The following SDK1 variants were observed in gnomAD, a reference collection of about 807,000 sequenced individuals.
SDK1 encodes protein sidekick-1.
A neutral mutation model predicts 245.5 loss-of-function variants in SDK1; 157 were observed. The observed-to-expected ratio is 0.64, with a 90% CI of 0.56 to 0.73. The LOEUF (loss-of-function observed/expected upper bound fraction) is 0.73, where lower values mean the gene tolerates loss of function less well. Ranked by LOEUF, SDK1 falls within the 30% of genes least tolerant of loss-of-function variation. The pLI is 0.00. For missense variants in SDK1, 3,583 were observed against 3,002.3 expected, an observed-to-expected ratio of 1.19 and a Z score of -4.52; for synonymous variants, 1,647 against 1,278.5, an observed-to-expected ratio of 1.29 and a Z score of -6.15.
intron 1 of SDK1, among the ~76,000 whole-genome samples, chr7:3,302,685 G>T (rs1432100690): frequency 6.8e-6 from 1 of 147,832 alleles, no homozygotes; most frequent in East Asian, 2.0e-4. Context: ...GAAGTTTGCT[G>T]GTCTTTAAAC....
At chr7:4,232,407 C>CTTTTTTTTTTTTTTTTTTTTTTT (rs201396862) in intron 40 of SDK1, among the ~76,000 whole-genome samples, 46 of 73,156 alleles carry the variant, frequency 6.3e-4, no homozygotes, top group Non-Finnish European at 7.8e-4. Context: ...CTTTTCTTTT[C>CTTTTTTTTTTTTTTTTTTTTTTT]TTTCTTTTTT....
intron 32 of SDK1, among the ~76,000 whole-genome samples, chr7:4,170,001 A>T (rs1447067827): frequency 1.3e-5 from 2 of 152,214 alleles, no homozygotes; most frequent in African/African-American, 4.8e-5. Context: ...TCTGAAATCC[A>T]GATGGCCTGC....
At chr7:3,570,334 G>GT (rs1248952609) in intron 1 of SDK1, among the ~76,000 whole-genome samples, 1 of 152,108 alleles carries the variant, frequency 6.6e-6, no homozygotes, top group African/African-American at 2.4e-5. Flanking sequence ...TCACAGTAGG[G>GT]TTTATGCCCC....
chr7:3,499,717 C>T (rs551181257), intron 1 of SDK1, among the ~76,000 whole-genome samples: 1 of 152,172 alleles, frequency 6.6e-6, no homozygotes, highest in African/African-American at 2.4e-5. Context: ...GGAGCTGAGT[C>T]TGGGTCATAG....
chr7:4,254,257 C>T (rs1176029852), intron 44 of SDK1, among the ~76,000 whole-genome samples: 3 of 151,696 alleles, frequency 2.0e-5, no homozygotes, highest in African/African-American at 7.3e-5. Context: ...TCTTATTATA[C>T]GTATGTTGGT....
chr7:3,666,161 C>A (rs1336461770), intron 4 of SDK1, among the ~76,000 whole-genome samples: 2 of 152,172 alleles, frequency 1.3e-5, no homozygotes, highest in Non-Finnish European at 2.9e-5. Context: ...ACACCCCCAC[C>A]CCACTCACCT....
intron 1 of SDK1, among the ~76,000 whole-genome samples, chr7:3,332,912 A>T (rs990262968): frequency 6.6e-6 from 1 of 152,164 alleles, no homozygotes; most frequent in East Asian, 1.9e-4. Flanking sequence ...TCAGCTTACC[A>T]CTTTGACATT....
intron 17 of SDK1, among the ~76,000 whole-genome samples, chr7:4,021,319 G>A (rs1257348485): frequency 6.6e-6 from 1 of 152,182 alleles, no homozygotes; most frequent in East Asian, 1.9e-4. Context: ...TCCTCAGTCA[G>A]CACCCAGAGG....
chr7:3,685,883 C>T lies in SDK1; in HGVS notation c.713+43778C>T, dbSNP rs1387202371. ...AGAATATAGGAAAATAATAAAATGG[C>T]ACGTTTAACATGCATATCAATAATT... On this transcript the variant is annotated intron_variant, in intron 4 of 44. Transcript: ENST00000404826. Among the ~76,000 whole-genome samples, 5 of 151,986 alleles carry T rather than the reference C, an allele frequency of 3.3e-5. No individual in the cohort carries two copies. In the East Asian group the frequency reaches 9.7e-4, roughly 29 times the overall value.
At chr7:3,996,829 G>A (rs978086477) in intron 14 of SDK1, among the ~76,000 whole-genome samples, 4 of 152,050 alleles carry the variant, frequency 2.6e-5, no homozygotes, top group Non-Finnish European at 5.9e-5. Context: ...CTATCTTGCT[G>A]TGTTGGTTGG....
chr7:3,704,868 G>C (rs1263035650), intron 4 of SDK1, among the ~76,000 whole-genome samples: 1 of 152,134 alleles, frequency 6.6e-6, no homozygotes, highest in Non-Finnish European at 1.5e-5. Flanking sequence ...TTTTGAATAA[G>C]GTAAGAGACA....
chr7:3,802,534 CAA>C (rs201330492), intron 4 of SDK1, among the ~76,000 whole-genome samples: 18 of 142,182 alleles, frequency 1.3e-4, no homozygotes, highest in East Asian at 4.0e-4. Context: ...GACCCTATAT[CAA>C]AAAAAAAAAA....
chr7:3,501,389 A>AG lies in SDK1; in HGVS notation c.299-117691_299-117690insG, dbSNP rs35729387. ...GGAATCAGGAAAAAGAAAAAAAAAA[A>AG]CTGATCAGGACAGTTTCAAAGTAGA... On this transcript the variant is annotated intron_variant, in intron 1 of 44. Transcript: ENST00000404826. Among the ~76,000 whole-genome samples, 23 of 151,424 alleles carry AG rather than the reference A, an allele frequency of 1.5e-4. No individual in the cohort carries two copies. The South Asian group carries it at 2.7e-3, about 18-fold the overall frequency.
At chr7:3,680,626 AATT>A (rs1283326536) in intron 4 of SDK1, among the ~76,000 whole-genome samples, 1 of 152,146 alleles carries the variant, frequency 6.6e-6, no homozygotes, top group Non-Finnish European at 1.5e-5. Context: ...TCTTCTTATG[AATT>A]ATTATTTAAA....
rs1456138492 is a variant in SDK1, at chr7:3,924,456, GTGATC to G, written c.848-26465_848-26461del. Among the ~76,000 whole-genome samples the G allele has an allele frequency of 5.9e-5, 9 of 152,318 alleles. No homozygotes were observed. In the South Asian group the frequency reaches 1.9e-3, roughly 32 times the overall value. ...GCTGAGCACGTCGTGGTGACGGGGT[GTGATC>G]TCCCCCACCCCTGCTGCACCCAGAG... is the stretch of plus-strand genomic sequence containing the variant. On this transcript the variant is annotated intron_variant, in intron 5 of 44. Transcript: ENST00000404826.
intron 1 of SDK1, among the ~76,000 whole-genome samples, chr7:3,541,557 CCTT>C (rs1324714157): frequency 2.0e-5 from 3 of 152,218 alleles, no homozygotes; most frequent in African/African-American, 7.2e-5. Flanking sequence ...ATCCCTAAGA[CCTT>C]CTTACCACTG....
intron 5 of SDK1, among the ~76,000 whole-genome samples, chr7:3,825,091 C>G (rs1779737466): frequency 1.3e-5 from 2 of 152,032 alleles, no homozygotes; most frequent in African/African-American, 4.8e-5. Flanking sequence ...GTTGAAGCAT[C>G]CTGCATGAAT....
chr7:3,319,033 G>A (rs553033751), intron 1 of SDK1, among the ~76,000 whole-genome samples: 1 of 152,014 alleles, frequency 6.6e-6, no homozygotes, highest in South Asian at 2.1e-4. Flanking sequence ...ACATTCATGA[G>A]GGGGGAGTAG....
At chr7:3,343,169 A>G (rs1780394695) in intron 1 of SDK1, among the ~76,000 whole-genome samples, 1 of 152,204 alleles carries the variant, frequency 6.6e-6, no homozygotes, top group Admixed American at 6.5e-5. Context: ...ACTCTTGGAT[A>G]GTTATCTCAG....
Sources: allele counts gnomAD v4.1 joint callset (sites outside exome capture counted in the v4.1 genomes callset), GRCh38; gene constraint gnomAD v4.1.1; transcripts MANE v1.5; gene names NCBI Gene and HGNC (gene_info 2026-07-23, HGNC 2026-07-21).